Variants in GALK2 observed in about 807,000 individuals in gnomAD.
GALK2 encodes N-acetylgalactosamine kinase.
In GALK2, 36 loss-of-function variants were observed where a neutral mutation model predicts 52.4. The observed-to-expected ratio is 0.69, with a 90% CI of 0.53 to 0.91. The LOEUF (loss-of-function observed/expected upper bound fraction) is 0.91, where lower values mean the gene tolerates loss of function less well. GALK2 is among the 40% of genes least tolerant of loss of function. GALK2 has a pLI of 0.00. For missense variants in GALK2, 579 were observed against 559.1 expected (o/e 1.04, Z -0.36); for synonymous variants, 176 against 199.1 (o/e 0.88, Z 0.98).
At chr15:49,158,034 G>A (rs1193412053) in intron 1 of GALK2, among the ~76,000 whole-genome samples, 2 of 152,134 alleles carry the variant, frequency 1.3e-5, no homozygotes, top group African/African-American at 4.8e-5. Context: ...CGCCTGGGGA[G>A]AATATATGAC....
chr15:49,352,066 CAT>C (rs2042332883), intron 3 of GALK2, among the ~76,000 whole-genome samples: 1 of 152,124 alleles, frequency 6.6e-6, no homozygotes, highest in Admixed American at 6.6e-5. Flanking sequence ...AAGATTTCCT[CAT>C]TTATGTGTCT....
At chr15:49,360,869 T>C (rs1489818508) in intron 3 of GALK2, among the ~76,000 whole-genome samples, 1 of 152,188 alleles carries the variant, frequency 6.6e-6, no homozygotes, top group Non-Finnish European at 1.5e-5. Flanking sequence ...ACTCCTGTGA[T>C]GTGAAATTTC....
At chr15:49,338,511 G>C (rs145491678) in intron 3 of GALK2, among the ~76,000 whole-genome samples, 3 of 152,200 alleles carry the variant, frequency 2.0e-5, no homozygotes, top group Non-Finnish European at 2.9e-5. Flanking sequence ...AGTCTGGTGG[G>C]CTTCCCTTTG....
At chr15:49,333,562 C>G (rs151238896), downstream of GALK2, among the ~76,000 whole-genome samples, 296 of 152,206 alleles carry the variant, frequency 1.9e-3, no homozygotes, top group Non-Finnish European at 1.7e-3. Context: ...AAGCAGAAAG[C>G]TGGGTGATAA....
At chr15:49,237,751 A>C (rs2090900524) in intron 4 of GALK2, among the ~76,000 whole-genome samples, 1 of 152,172 alleles carries the variant, frequency 6.6e-6, no homozygotes, top group African/African-American at 2.4e-5. Flanking sequence ...CTGGGATTGC[A>C]GGTGTGAGCC....
intron 3 of GALK2, 83 bp from the exon 4 acceptor site, chr15:49,235,768 G>A (rs2090767813): frequency 6.8e-6 from 6 of 882,612 alleles, no homozygotes; most frequent in Non-Finnish European, 9.7e-6. Flanking sequence ...CGCTGTGTTG[G>A]CACAAGATGG....
intron 1 of GALK2, among the ~76,000 whole-genome samples, chr15:49,184,672 CATCTT>C (rs1020028449): frequency 6.6e-6 from 1 of 152,164 alleles, no homozygotes; most frequent in African/African-American, 2.4e-5. Context: ...TTGCAAATAA[CATCTT>C]ATCACCCATT....
chr15:49,207,037 T>C (rs1773874843), intron 2 of GALK2, among the ~76,000 whole-genome samples: 1 of 152,214 alleles, frequency 6.6e-6, no homozygotes, highest in African/African-American at 2.4e-5. Context: ...GCTGAGAGTC[T>C]TAATCATAAA....
At chr15:49,275,143 C>T (rs2031444793) in intron 5 of GALK2, among the ~76,000 whole-genome samples, 1 of 152,192 alleles carries the variant, frequency 6.6e-6, no homozygotes, top group African/African-American at 2.4e-5. Context: ...ACATCAACAT[C>T]ACCACAAATG....
chr15:49,171,761 C>T (rs1216661199), intron 1 of GALK2, among the ~76,000 whole-genome samples: 2 of 145,584 alleles, frequency 1.4e-5, no homozygotes, highest in Non-Finnish European at 1.5e-5. Flanking sequence ...AACTTGATCT[C>T]TTGTAGTTTA....
At chr15:49,294,995 T>C (rs985317420) in intron 8 of GALK2, among the ~76,000 whole-genome samples, 2 of 152,108 alleles carry the variant, frequency 1.3e-5, no homozygotes, top group African/African-American at 4.8e-5. Flanking sequence ...AAAGACTGCC[T>C]AAAAGGATGC....
At chr15:49,290,274 G>A (rs1021465638) in intron 7 of GALK2, among the ~76,000 whole-genome samples, 1 of 152,204 alleles carries the variant, frequency 6.6e-6, no homozygotes, top group African/African-American at 2.4e-5. Flanking sequence ...CTCCCTCAAT[G>A]TAGTGTAATT....
intron 3 of GALK2, among the ~76,000 whole-genome samples, chr15:49,359,682 G>A (rs1028309040): frequency 2.2e-4 from 30 of 136,910 alleles, no homozygotes; most frequent in African/African-American, 6.9e-4. Flanking sequence ...TCAGTGTGGC[G>A]ATTCCTCAGG....
Position 49,355,746 on chromosome 15 carries a change from A to G in GALK2, c.427-11745A>G, listed in dbSNP as rs566259270. Among the ~76,000 whole-genome samples, 18 of 151,568 alleles carry G rather than the reference A, an allele frequency of 1.2e-4. 1 individual carries two copies. In the South Asian group the frequency reaches 3.3e-3, roughly 28 times the overall value. On this transcript the variant is annotated intron_variant, in intron 3 of 3. Coordinates refer to the GALK2 transcript ENST00000558399. ...ATTCAGGAAATACAGAGAACACCACAAAGATACTCCTCGAGAAGAGCAACT... is the reference window on the plus strand; with the variant it reads ...ATTCAGGAAATACAGAGAACACCACGAAGATACTCCTCGAGAAGAGCAACT...
chr15:49,184,333 A>AT (rs2086194514), intron 1 of GALK2, among the ~76,000 whole-genome samples: 1 of 150,590 alleles, frequency 6.6e-6, no homozygotes, highest in African/African-American at 2.4e-5. Flanking sequence ...ATCTTTTTTC[A>AT]TCTGTTTTCT....
At chr15:49,218,759 C>T (rs766802290) in intron 3 of GALK2, among the ~76,000 whole-genome samples, 6 of 152,164 alleles carry the variant, frequency 3.9e-5, no homozygotes, top group Non-Finnish European at 5.9e-5. Flanking sequence ...TATTTATGTA[C>T]GAATATATGT....
intron 1 of GALK2, among the ~76,000 whole-genome samples, chr15:49,164,296 C>G (rs1220734457): frequency 6.6e-6 from 1 of 151,490 alleles, no homozygotes; most frequent in East Asian, 1.9e-4. Flanking sequence ...AATTGACAAC[C>G]AGTAGATGCA....
intron 3 of GALK2, among the ~76,000 whole-genome samples, chr15:49,351,323 A>T (rs1229577939): frequency 6.6e-6 from 1 of 152,232 alleles, no homozygotes; most frequent in Non-Finnish European, 1.5e-5. Context: ...CTTTTAGATC[A>T]TGTTAAAGTC....
At chr15:49,217,450 G>C in intron 3 of GALK2, 137 bp downstream of exon 3, 2 of 829,790 alleles carry the variant, frequency 2.4e-6, no homozygotes, top group Non-Finnish European at 1.9e-6. Flanking sequence ...AAAATTCTAA[G>C]GCCATTATTT....
Sources: gnomAD v4.1 joint callset for allele counts (sites outside exome capture counted in the v4.1 genomes callset) on GRCh38, gnomAD v4.1.1 for gene constraint, MANE v1.5 for transcripts, NCBI Gene and HGNC (gene_info 2026-07-23, HGNC 2026-07-21) for gene names.